The following EEFSEC variants were observed in gnomAD, a reference collection of about 807,000 sequenced individuals.
EEFSEC encodes selenocysteine-specific elongation factor.
Under a neutral mutation model 42.1 loss-of-function variants are expected in EEFSEC, and 43 were observed. The ratio of observed to expected loss-of-function variants is 1.02; its 90% CI spans 0.80 to 1.32. The LOEUF is 1.32. Among genes scored for constraint, EEFSEC ranks in the 40% most tolerant of loss-of-function variants. EEFSEC has a pLI of 0.00. For missense variants in EEFSEC, 745 were observed against 803.6 expected, an observed-to-expected ratio of 0.93 and a Z score of 0.88; for synonymous variants, 354 against 339.1, an observed-to-expected ratio of 1.04 and a Z score of -0.48.
intron 6 of EEFSEC, among the ~76,000 whole-genome samples, chr3:128,398,820 C>T (rs1161785265): frequency 6.6e-6 from 1 of 151,744 alleles, no homozygotes; most frequent in African/African-American, 2.4e-5. Flanking sequence ...GAATGCACCT[C>T]ACGGAGGCCT....
intron 1 of EEFSEC, among the ~76,000 whole-genome samples, chr3:128,186,192 T>C (rs938512699): frequency 6.6e-6 from 1 of 152,190 alleles, no homozygotes; most frequent in African/African-American, 2.4e-5. Flanking sequence ...TGGTGAGTGA[T>C]ATTTAGCATC....
intron 6 of EEFSEC, among the ~76,000 whole-genome samples, chr3:128,390,970 ACTAT>A (rs2067905612): frequency 6.6e-6 from 1 of 152,078 alleles, no homozygotes. Flanking sequence ...TTTGCTGATC[ACTAT>A]CTAAAGGAGC....
intron 4 of EEFSEC, among the ~76,000 whole-genome samples, chr3:128,286,338 G>A (rs1245235692): frequency 1.3e-5 from 2 of 152,184 alleles, no homozygotes; most frequent in Non-Finnish European, 2.9e-5. Context: ...TGATCCAGGC[G>A]GGAAGCAGGA....
At chr3:128,335,529 G>A (rs1293430684) in intron 4 of EEFSEC, among the ~76,000 whole-genome samples, 1 of 152,232 alleles carries the variant, frequency 6.6e-6, no homozygotes, top group East Asian at 1.9e-4. Context: ...GATGTGAACA[G>A]TGGGTCGGGG....
intron 6 of EEFSEC, among the ~76,000 whole-genome samples, chr3:128,367,213 A>G (rs975273743): frequency 6.6e-6 from 1 of 152,242 alleles, no homozygotes; most frequent in East Asian, 1.9e-4. Flanking sequence ...TCTGGGGGTT[A>G]GGATTCCAGT....
intron 4 of EEFSEC, among the ~76,000 whole-genome samples, chr3:128,310,556 T>A (rs995768944): frequency 6.6e-6 from 1 of 152,190 alleles, no homozygotes; most frequent in Non-Finnish European, 1.5e-5. Context: ...GTTTTCTTTG[T>A]AGGCACACAA....
chr3:128,154,729 G>T (rs1006615436), intron 1 of EEFSEC, among the ~76,000 whole-genome samples: 1 of 152,180 alleles, frequency 6.6e-6, no homozygotes, highest in East Asian at 1.9e-4. Context: ...GATTACAGGC[G>T]TGAGCCACCA....
intron 1 of EEFSEC, among the ~76,000 whole-genome samples, chr3:128,157,099 C>G (rs1944393909): frequency 6.6e-6 from 1 of 152,202 alleles, no homozygotes; most frequent in Non-Finnish European, 1.5e-5. Context: ...AGCTTTATTG[C>G]TTTATAGAGA....
At chr3:128,249,735 G>A (rs1426114004) in intron 2 of EEFSEC, among the ~76,000 whole-genome samples, 1 of 152,048 alleles carries the variant, frequency 6.6e-6, no homozygotes, top group East Asian at 1.9e-4. Flanking sequence ...TGTTTTTAAG[G>A]TCCATCCTTA....
chr3:128,328,888 C>T (rs973666124), intron 4 of EEFSEC, among the ~76,000 whole-genome samples: 1 of 152,162 alleles, frequency 6.6e-6, no homozygotes, highest in Admixed American at 6.5e-5. Context: ...GAAAATACAT[C>T]CCAGACCTAG....
intron 1 of EEFSEC, among the ~76,000 whole-genome samples, chr3:128,178,364 G>A (rs1425482011): frequency 1.3e-5 from 2 of 152,152 alleles, no homozygotes; most frequent in Admixed American, 1.3e-4. Flanking sequence ...TGGGGGCTGA[G>A]GAAAAGCACT....
At chr3:128,327,929 C>T (rs1379268732) in intron 4 of EEFSEC, among the ~76,000 whole-genome samples, 1 of 152,078 alleles carries the variant, frequency 6.6e-6, no homozygotes, top group Non-Finnish European at 1.5e-5. Context: ...GATTTGTTGG[C>T]TCGTGGGCTA....
chr3:128,163,282 T>C (rs943473803), intron 1 of EEFSEC, among the ~76,000 whole-genome samples: 1 of 152,032 alleles, frequency 6.6e-6, no homozygotes, highest in Non-Finnish European at 1.5e-5. Context: ...GAGTGAGTCC[T>C]CGTTCTTCTA....
intron 4 of EEFSEC, among the ~76,000 whole-genome samples, chr3:128,318,728 G>A (rs531519451): frequency 3.9e-5 from 6 of 152,182 alleles, no homozygotes; most frequent in Non-Finnish European, 8.8e-5. Context: ...TTCTGGTCTT[G>A]CCTGGAGTGT....
intron 4 of EEFSEC, among the ~76,000 whole-genome samples, chr3:128,284,764 A>G (rs991712369): frequency 1.3e-5 from 2 of 152,164 alleles, no homozygotes; most frequent in African/African-American, 2.4e-5. Flanking sequence ...CTAAGACTGT[A>G]CATGTCATAG....
chr3:128,371,882 G>A (rs971249090), intron 6 of EEFSEC, among the ~76,000 whole-genome samples: 1 of 152,224 alleles, frequency 6.6e-6, no homozygotes, highest in East Asian at 1.9e-4. Flanking sequence ...CCATCCTGAG[G>A]TCTCTGGGTG....
At chr3:128,390,141 G>A (rs940355198) in intron 6 of EEFSEC, among the ~76,000 whole-genome samples, 2 of 152,190 alleles carry the variant, frequency 1.3e-5, no homozygotes, top group Non-Finnish European at 2.9e-5. Flanking sequence ...CCATAGTTGG[G>A]ACTGTTTCTC....
Position 128,341,935 on chromosome 3 carries a change from G to A in EEFSEC, c.1443+46G>A, listed in dbSNP as rs752228050. ...CCCCACACCCCTTCCCTTCTTGCTC[G>A]GGCAGCTGGGATCCATGGCCTGACA... is the stretch of plus-strand genomic sequence containing the variant. On this transcript the variant is annotated intron_variant, in intron 5 of 6. Coordinates refer to ENST00000254730, the MANE Select transcript of EEFSEC (RefSeq NM_021937.5). The A allele has an allele frequency of 1.0e-5, 16 of 1,575,788 alleles. No individual in the cohort carries two copies. In the East Asian group the frequency reaches 1.1e-4, roughly 11 times the overall value.
intron 4 of EEFSEC, among the ~76,000 whole-genome samples, chr3:128,283,434 G>A (rs970195363): frequency 6.6e-6 from 1 of 152,206 alleles, no homozygotes; most frequent in Non-Finnish European, 1.5e-5. Context: ...TGTGGGGCTT[G>A]GAAGCTGTCA....
Sources: gnomAD v4.1 joint callset for allele counts (sites outside exome capture counted in the v4.1 genomes callset) on GRCh38, gnomAD v4.1.1 for gene constraint, MANE v1.5 for transcripts, NCBI Gene and HGNC (gene_info 2026-07-23, HGNC 2026-07-21) for gene names.